AFAP1: variants seen among roughly 807,000 people sequenced by gnomAD.
The protein encoded by AFAP1 is actin filament-associated protein 1.
Under a neutral mutation model 93.9 loss-of-function variants are expected in AFAP1, and 75 were observed. That is an observed-to-expected ratio of 0.80 (90% confidence interval 0.66 to 0.97). The LOEUF (loss-of-function observed/expected upper bound fraction) is 0.97, where lower values mean the gene tolerates loss of function less well. Among genes scored for constraint, AFAP1 ranks in the 50% least tolerant of loss-of-function variants. The probability of loss-of-function intolerance (pLI) is 0.00; values close to 1 mark genes in which losing one functional copy is unlikely to be tolerated. For missense variants in AFAP1, 1,201 were observed against 1,050.8 expected (o/e 1.14, Z -1.98); for synonymous variants, 517 against 430.7 (o/e 1.20, Z -2.48).
chr4:7,869,065 A>G (rs1716768219), intron 2 of AFAP1, among the ~76,000 whole-genome samples: 1 of 151,754 alleles, frequency 6.6e-6, no homozygotes, highest in South Asian at 2.1e-4. Flanking sequence ...AGAAAGGGAA[A>G]GAGAAAAGAA....
At chr4:7,812,832 A>T (rs1720169725) in intron 8 of AFAP1, among the ~76,000 whole-genome samples, 1 of 152,228 alleles carries the variant, frequency 6.6e-6, no homozygotes, top group Admixed American at 6.5e-5. Flanking sequence ...TAGGGGCATG[A>T]GAAATTAATA....
chr4:7,785,545 A>T (rs1256161956), intron 12 of AFAP1, among the ~76,000 whole-genome samples: 1 of 152,174 alleles, frequency 6.6e-6, no homozygotes, highest in Non-Finnish European at 1.5e-5. Flanking sequence ...TTGATAACCT[A>T]TACTGTGCTA....
At position 7,911,834 on chromosome 4, in the gene AFAP1, G is replaced by A. The variant is rs568091619; in HGVS notation, c.-3+27822C>T. Among the ~76,000 whole-genome samples the A allele has an allele frequency of 2.2e-3, 329 of 152,314 alleles. 1 individual carries two copies. Among genetic ancestry groups the A allele is most frequent in the Non-Finnish European group, 3.6e-3 (245 of 68,016 alleles). ...TAGACAAGAAGTAAATCTTCTAAGAGAAAGCTTACACTTATTTGGAAGGCT... is the reference window on the plus strand; with the variant it reads ...TAGACAAGAAGTAAATCTTCTAAGAAAAAGCTTACACTTATTTGGAAGGCT... On this transcript the variant is annotated intron_variant, in intron 1 of 17. Coordinates refer to ENST00000420658, the MANE Select transcript of AFAP1 (RefSeq NM_001134647.2).
chr4:7,793,936 C>A (rs1718140241), intron 10 of AFAP1, 110 bp from the exon 11 acceptor site: 2 of 1,243,364 alleles, frequency 1.6e-6, no homozygotes, highest in Admixed American at 5.1e-5. Context: ...AACATGATGT[C>A]CCTAAGAAGA....
rs549223571 is a variant in AFAP1 at position 7,939,671 on chromosome 4, C to T, written c.-18G>A. The T allele has an allele frequency of 4.8e-5, 20 of 417,714 alleles. No individual in the cohort carries two copies. In the East Asian group the frequency reaches 1.6e-3, roughly 32 times the overall value. The allele number at this position is 417,714 out of a possible 1,614,324, so 25.9% of individuals were successfully genotyped here. On this transcript the variant is annotated 5_prime_UTR_variant, in exon 1 of 18. Transcript: ENST00000420658. This position sits in a 1 kb window ranked among gnomAD's most constrained non-coding sequence, Gnocchi z 5.6. The stretch of plus-strand genomic sequence containing the variant: ...GCCGTCTCACCTCAGGCCGCCACCT[C>T]GCAGCGCTCGCTCCTCGCCGCGGCG...
intron 1 of AFAP1, among the ~76,000 whole-genome samples, chr4:7,884,961 C>T (rs1300778770): frequency 6.6e-6 from 1 of 152,180 alleles, no homozygotes; most frequent in Non-Finnish European, 1.5e-5. Context: ...CACCTCTGTG[C>T]TTTATGCTGA....
chr4:7,827,569 CAAAAAAA>C (rs58075483), intron 6 of AFAP1, among the ~76,000 whole-genome samples: 15 of 52,246 alleles, frequency 2.9e-4, no homozygotes, highest in African/African-American at 4.8e-4. Flanking sequence ...ACTCTGTCTC[CAAAAAAA>C]AAAAAAAAAA....
chr4:7,828,139 G>A (rs932599242), intron 6 of AFAP1, among the ~76,000 whole-genome samples: 1 of 152,088 alleles, frequency 6.6e-6, no homozygotes, highest in Admixed American at 6.5e-5. Flanking sequence ...GTTCTTCCTT[G>A]AGAACTCTGG....
chr4:7,917,223 T>C (rs906238523), intron 1 of AFAP1, among the ~76,000 whole-genome samples: 24 of 152,188 alleles, frequency 1.6e-4, no homozygotes, highest in Non-Finnish European at 2.9e-5. Flanking sequence ...TATCATTACC[T>C]AGCACTCCAG....
intron 16 of AFAP1, chr4:7,772,561 A>G: frequency 2.1e-6 from 1 of 471,280 alleles, no homozygotes; most frequent in South Asian, 3.3e-5. Context: ...TTCTAAACAG[A>G]TTGTGCAAAG....
At chr4:7,783,415 C>T (rs1194040289) in intron 12 of AFAP1, among the ~76,000 whole-genome samples, 1 of 152,218 alleles carries the variant, frequency 6.6e-6, no homozygotes, top group Non-Finnish European at 1.5e-5. Flanking sequence ...GCTGGGATTA[C>T]AGGCCTGAGC....
chr4:7,773,371 A>C, intron 15 of AFAP1: 9 of 222,196 alleles, frequency 4.1e-5, no homozygotes, highest in East Asian at 1.1e-4. Flanking sequence ...TCCTCCCCTA[A>C]CGCTCCGCCG....
In AFAP1 at chr4:7,939,326, T is replaced by C. The variant is rs1056438943; in HGVS notation, c.-3+330A>G. The C allele has an allele frequency of 1.6e-5, 5 of 312,942 alleles. No individual in the cohort carries two copies. The highest frequency in any genetic ancestry group is 2.5e-5 in the Non-Finnish European group (4 of 158,614). 19.4% of individuals were successfully genotyped at this position (312,942 alleles called of 1,614,324 possible). A position where few individuals can be genotyped will look rare whatever the true frequency, so the allele number is the denominator to read the frequency against. The stretch of plus-strand genomic sequence containing the variant: ...CGGACCCCGCCCCACGAGTGGGTCT[T>C]CGCAGGGCCCCCTCTGACGCACACG... On this transcript the variant is annotated intron_variant, in intron 1 of 17. Transcript: ENST00000420658. This position sits in a 1 kb window ranked among gnomAD's most constrained non-coding sequence, Gnocchi z 5.6.
At chr4:7,776,632 C>A (rs1407965596) in intron 14 of AFAP1, 2 of 152,138 alleles carry the variant, frequency 1.3e-5, no homozygotes, top group Non-Finnish European at 2.9e-5. Flanking sequence ...TGAAATACTG[C>A]ATTTATGAAG....
intron 5 of AFAP1, 69 bp downstream of exon 5, chr4:7,843,070 G>T: frequency 6.6e-7 from 1 of 1,517,222 alleles, no homozygotes. Context: ...AATGGTGACT[G>T]GATATAAACG....
intron 11 of AFAP1, among the ~76,000 whole-genome samples, chr4:7,787,543 C>T (rs991012496): frequency 2.6e-5 from 4 of 152,126 alleles, no homozygotes; most frequent in Non-Finnish European, 4.4e-5. Context: ...ACGCTGCCTC[C>T]CGGAAGACCA....
chr4:7,855,364 T>C (rs1714928242), intron 4 of AFAP1, 102 bp downstream of exon 4: 1 of 917,494 alleles, frequency 1.1e-6, no homozygotes, highest in African/African-American at 1.7e-5. Context: ...CCCACAGTGT[T>C]TTATAATACC....
intron 4 of AFAP1, among the ~76,000 whole-genome samples, chr4:7,845,613 G>A (rs1713590815): frequency 6.6e-6 from 1 of 151,972 alleles, no homozygotes; most frequent in South Asian, 2.1e-4. Flanking sequence ...ACCCTGGTCT[G>A]GGTCACAGGT....
chr4:7,910,985 C>T (rs1027898808), intron 1 of AFAP1, among the ~76,000 whole-genome samples: 1 of 152,180 alleles, frequency 6.6e-6, no homozygotes, highest in Non-Finnish European at 1.5e-5. Context: ...TTTTCAGCCC[C>T]TTGGCTGACC....
Sources: gnomAD v4.1 joint callset for allele counts (sites outside exome capture counted in the v4.1 genomes callset) on GRCh38, gnomAD v4.1.1 for gene constraint, Gnocchi (gnomAD v3.1) non-coding constraint, MANE v1.5 for transcripts, NCBI Gene and HGNC (gene_info 2026-07-23, HGNC 2026-07-21) for gene names.